Variants in ANKRD11 observed in about 807,000 individuals in gnomAD.
ANKRD11 encodes ankyrin repeat domain-containing protein 11.
ANKRD11 carries 17 observed loss-of-function variants against 195.7 expected under a neutral mutation model. The ratio of observed to expected loss-of-function variants is 0.09; its 90% CI spans 0.06 to 0.13. The LOEUF (loss-of-function observed/expected upper bound fraction) is 0.13, where lower values mean the gene tolerates loss of function less well. Among genes scored for constraint, ANKRD11 ranks in the 10% least tolerant of loss-of-function variants. The pLI, the probability that ANKRD11 is intolerant of heterozygous loss-of-function variation, is 1.00. For synonymous variants in ANKRD11, 1,953 were observed against 1,528.1 expected, an observed-to-expected ratio of 1.28 and a Z score of -6.49; for missense variants, 3,735 against 3,566.1, an observed-to-expected ratio of 1.05 and a Z score of -1.21.
chr16:89,385,952 C>G (rs1016229863), intron 2 of ANKRD11, among the ~76,000 whole-genome samples: 1 of 152,240 alleles, frequency 6.6e-6, no homozygotes, highest in Admixed American at 6.5e-5. Flanking sequence ...TAGCACACAG[C>G]GGACAGCAGT....
intron 2 of ANKRD11, among the ~76,000 whole-genome samples, chr16:89,371,077 C>T (rs947866309): frequency 3.3e-5 from 5 of 152,102 alleles, no homozygotes; most frequent in Admixed American, 6.5e-5. Flanking sequence ...AGGTGAGAAA[C>T]GTTCAACTGC....
At chr16:89,463,226 T>C (rs916038575) in intron 1 of ANKRD11, among the ~76,000 whole-genome samples, 7 of 152,186 alleles carry the variant, frequency 4.6e-5, no homozygotes, top group Admixed American at 2.6e-4. Flanking sequence ...TTTTGTGGAA[T>C]AGAAAGCGGG....
chr16:89,335,526 A>C (rs2038307103), intron 2 of ANKRD11, among the ~76,000 whole-genome samples: 2 of 151,772 alleles, frequency 1.3e-5, no homozygotes, highest in African/African-American at 4.8e-5. Context: ...ACGCTATACC[A>C]CTCCCATGAA....
chr16:89,432,101 A>G (rs1251636973), intron 1 of ANKRD11, among the ~76,000 whole-genome samples: 1 of 152,064 alleles, frequency 6.6e-6, no homozygotes, highest in East Asian at 1.9e-4. Flanking sequence ...CTCCAGCCAC[A>G]CACACCATCA....
intron 4 of ANKRD11, among the ~76,000 whole-genome samples, chr16:89,301,789 G>A (rs372209616): frequency 1.3e-5 from 2 of 152,176 alleles, no homozygotes; most frequent in African/African-American, 2.4e-5. Flanking sequence ...CTTGGCAGGC[G>A]GCCCCCAGCC....
At chr16:89,288,102 G>T in intron 7 of ANKRD11, 1 of 572,980 alleles carries the variant, frequency 1.7e-6, no homozygotes, top group Non-Finnish European at 3.1e-6. Flanking sequence ...TCTAAAGCTT[G>T]AGTCTATGGT....
At chr16:89,462,508 G>C (rs1328988737) in intron 1 of ANKRD11, among the ~76,000 whole-genome samples, 2 of 151,842 alleles carry the variant, frequency 1.3e-5, no homozygotes, top group South Asian at 2.1e-4. Context: ...GGGAAGTGAG[G>C]AGCGTCTCTG....
At chr16:89,417,718 C>T (rs1037541869) in intron 2 of ANKRD11, among the ~76,000 whole-genome samples, 3 of 152,108 alleles carry the variant, frequency 2.0e-5, no homozygotes, top group East Asian at 1.9e-4. Context: ...AGGAACCTAA[C>T]AAGAGCACAA....
chr16:89,364,890 G>A (rs1472113247), intron 2 of ANKRD11, among the ~76,000 whole-genome samples: 1 of 152,160 alleles, frequency 6.6e-6, no homozygotes, highest in African/African-American at 2.4e-5. Context: ...GATGGCCCAG[G>A]GAAAAGCCTC....
intron 1 of ANKRD11, among the ~76,000 whole-genome samples, chr16:89,475,848 A>T (rs1597527237): frequency 1.3e-5 from 2 of 152,192 alleles, no homozygotes; most frequent in East Asian, 3.9e-4. Context: ...TGAGGAGTTC[A>T]AGACCAGCCT....
intron 2 of ANKRD11, among the ~76,000 whole-genome samples, chr16:89,380,237 C>A (rs536219572): frequency 6.6e-6 from 1 of 152,118 alleles, no homozygotes; most frequent in Non-Finnish European, 1.5e-5. Flanking sequence ...CTCTGCCCCC[C>A]GAGTAGTTGG....
chr16:89,280,601 G>A lies in ANKRD11; in HGVS notation c.5941C>T (p.Leu1981=), dbSNP rs748086945. ...TCGGGGAATCTCTGTGGAGACTTCA[G>A]CAGGAGGTCCGAGCCCACAGGCCAG... ...VSWPVGSDLL[L]KSPQRFPESP... Residue 1981 remains leucine (L), a synonymous_variant, in exon 9 of 13, where the codon CTG becomes TTG. Transcript: ENST00000301030. 6.2e-7 allele frequency: 1 copy of A among 1,613,516 alleles called. No homozygotes were observed. The highest frequency in any genetic ancestry group is 8.5e-7 in the Non-Finnish European group (1 of 1,179,940).
intron 2 of ANKRD11, among the ~76,000 whole-genome samples, chr16:89,391,019 G>C (rs1949588716): frequency 6.6e-6 from 1 of 152,190 alleles, no homozygotes. Flanking sequence ...ACGAGGTCAG[G>C]AGATCGAGAC....
intron 1 of ANKRD11, among the ~76,000 whole-genome samples, chr16:89,428,977 G>A (rs1255180121): frequency 1.3e-5 from 2 of 152,054 alleles, no homozygotes; most frequent in Non-Finnish European, 2.9e-5. Flanking sequence ...AGCCCACAAT[G>A]ATTTGTACAG....
intron 2 of ANKRD11, chr16:89,324,482 G>A (rs1222297754): frequency 1.1e-5 from 5 of 456,544 alleles, no homozygotes; most frequent in African/African-American, 1.0e-4. Flanking sequence ...ACTAAAGGAT[G>A]TGTAACTGTT....
At chr16:89,446,294 C>G (rs2043788270) in intron 1 of ANKRD11, among the ~76,000 whole-genome samples, 1 of 152,120 alleles carries the variant, frequency 6.6e-6, no homozygotes, top group African/African-American at 2.4e-5. Context: ...TCTGTGACAG[C>G]TGCATCTAAA....
intron 1 of ANKRD11, among the ~76,000 whole-genome samples, chr16:89,471,287 T>G (rs2057075559): frequency 6.6e-6 from 1 of 152,152 alleles, no homozygotes; most frequent in South Asian, 2.1e-4. Flanking sequence ...AATCACAGCT[T>G]TCGAGGAACT....
At chr16:89,297,984 TTGCC>T (rs2035559446) in intron 4 of ANKRD11, 1 of 151,272 alleles carries the variant, frequency 6.6e-6, no homozygotes, top group South Asian at 2.1e-4. Context: ...CGTCCAGCCC[TTGCC>T]TGCACAACCT....
chr16:89,449,202 A>G (rs1199421037), intron 1 of ANKRD11, among the ~76,000 whole-genome samples: 2 of 151,768 alleles, frequency 1.3e-5, no homozygotes, highest in Non-Finnish European at 2.9e-5. Context: ...AAAAAAAAAA[A>G]AAGAAAAATT....
Sources: gnomAD v4.1 joint callset for allele counts (sites outside exome capture counted in the v4.1 genomes callset) on GRCh38, gnomAD v4.1.1 for gene constraint, MANE v1.5 for transcripts, NCBI Gene and HGNC (gene_info 2026-07-23, HGNC 2026-07-21) for gene names.